Variants in PIWIL2 observed in about 807,000 individuals in gnomAD.
PIWIL2 encodes piwi-like protein 2.
PIWIL2 carries 81 observed loss-of-function variants against 116.5 expected under a neutral mutation model. The observed-to-expected ratio is 0.70, with a 90% confidence interval of 0.58 to 0.84. PIWIL2 has a LOEUF of 0.84. Ranked by LOEUF, PIWIL2 falls within the 40% of genes least tolerant of loss-of-function variation. The pLI is 0.00. For synonymous variants in PIWIL2, 489 were observed against 429.5 expected (o/e 1.14, Z -1.71); for missense variants, 1,272 against 1,212.3 (o/e 1.05, Z -0.73).
chr8:22,287,699 T>G, intron 7 of PIWIL2, 54 bp downstream of exon 7: 1 of 1,169,456 alleles, frequency 8.6e-7, no homozygotes, highest in Non-Finnish European at 1.3e-6. Flanking sequence ...TGCTCTGGCG[T>G]TTTTTGTTTG....
intron 6 of PIWIL2, 116 bp downstream of exon 6, chr8:22,284,388 A>T (rs1320935491): frequency 1.8e-6 from 1 of 553,860 alleles, no homozygotes; most frequent in Non-Finnish European, 3.2e-6. Context: ...TCAATGCAAT[A>T]ATGTGTTTAC....
Position 22,284,255 on chromosome 8 carries a change from A to T in PIWIL2, c.726A>T (p.Gln242His). Residue 242 changes from glutamine to histidine, a missense_variant, in exon 6 of 23, where the codon CAA becomes CAT. Physicochemically the swap from Gln to His is conservative, Grantham distance 24 (BLOSUM62 0). Transcript: ENST00000356766. ...KIQCHNEAVY[Q>H]YHVTFSPNVE... ...AGTGTCATAATGAAGCAGTTTATCA[A>T]TATCATGTGACTTTCAGGTATTCAC... 6.3e-7 allele frequency: 1 copy of T among 1,579,138 alleles called. No homozygotes were observed. The highest frequency in any genetic ancestry group is 8.7e-7 in the Non-Finnish European group (1 of 1,153,986).
At chr8:22,316,104 C>CTTTTTTTTTT in intron 18 of PIWIL2, 141 bp from the exon 19 acceptor site, 1 of 541,608 alleles carries the variant, frequency 1.8e-6, no homozygotes. Context: ...AGTTGATTGT[C>CTTTTTTTTTT]TTTTTTTTTT....
chr8:22,276,277 G>A (rs1387701358), intron 1 of PIWIL2, among the ~76,000 whole-genome samples: 1 of 152,178 alleles, frequency 6.6e-6, no homozygotes, highest in Non-Finnish European at 1.5e-5. Flanking sequence ...TTAAATGTAT[G>A]ATTTCTCTGT....
intron 10 of PIWIL2, among the ~76,000 whole-genome samples, chr8:22,295,683 C>T (rs76608684): frequency 0.05 from 7,548 of 152,152 alleles, 291 homozygotes; most frequent in Admixed American, 0.086. Context: ...TGGTGTTCTA[C>T]CACCTTCGTT....
At chr8:22,290,004 C>G in intron 9 of PIWIL2, 77 bp downstream of exon 9, 3 of 946,006 alleles carry the variant, frequency 3.2e-6, no homozygotes, top group South Asian at 2.7e-5. Context: ...GTATTTAGTA[C>G]TATAATGTCA....
chr8:22,275,858 C>T (rs966738920), intron 1 of PIWIL2: 2 of 152,360 alleles, frequency 1.3e-5, no homozygotes, highest in Admixed American at 1.3e-4. Context: ...CCCATTGAAC[C>T]TTTCGGACAG....
intron 20 of PIWIL2, among the ~76,000 whole-genome samples, chr8:22,319,447 T>A (rs1414660582): frequency 6.6e-6 from 1 of 152,238 alleles, no homozygotes; most frequent in Non-Finnish European, 1.5e-5. Flanking sequence ...GTGAAGACTT[T>A]TCCCTTCTTC....
intron 6 of PIWIL2, 111 bp from the exon 7 acceptor site, chr8:22,287,417 T>G: frequency 2.7e-6 from 2 of 753,392 alleles, no homozygotes; most frequent in Non-Finnish European, 4.9e-6. Context: ...ATTTTTAATA[T>G]GCCCGCTAGA....
intron 22 of PIWIL2, among the ~76,000 whole-genome samples, chr8:22,355,075 A>T (rs181651738): frequency 1.3e-5 from 2 of 151,910 alleles, no homozygotes; most frequent in African/African-American, 4.9e-5. Flanking sequence ...GTCAAAAAAA[A>T]AAAACAAAAC....
At chr8:22,293,718 A>T (rs1052467042) in intron 10 of PIWIL2, among the ~76,000 whole-genome samples, 6 of 152,232 alleles carry the variant, frequency 3.9e-5, no homozygotes, top group Admixed American at 2.6e-4. Context: ...ATTGAAAAAC[A>T]TTCTTTTTTT....
chr8:22,291,835 G>A (rs1830774835), intron 10 of PIWIL2, among the ~76,000 whole-genome samples: 2 of 152,222 alleles, frequency 1.3e-5, no homozygotes, highest in African/African-American at 4.8e-5. Flanking sequence ...GTTGTTACCA[G>A]GGGAGATGAA....
At chr8:22,299,696 A>T (rs1831000115) in intron 10 of PIWIL2, among the ~76,000 whole-genome samples, 1 of 152,152 alleles carries the variant, frequency 6.6e-6, no homozygotes, top group Non-Finnish European at 1.5e-5. Context: ...GTTTTGATAT[A>T]TGGATATATA....
At chr8:22,288,095 G>A (rs186770316) in intron 7 of PIWIL2, among the ~76,000 whole-genome samples, 443 of 152,242 alleles carry the variant, frequency 2.9e-3, no homozygotes, top group Non-Finnish European at 4.9e-3. Context: ...TCACGAGATT[G>A]AGACCATCCT....
intron 20 of PIWIL2, among the ~76,000 whole-genome samples, chr8:22,325,905 A>G (rs1586581284): frequency 6.6e-6 from 1 of 152,224 alleles, no homozygotes; most frequent in Non-Finnish European, 1.5e-5. Flanking sequence ...TGGGACTACC[A>G]GAGTAAGTCC....
At chr8:22,290,840 C>G (rs1171752792) in intron 10 of PIWIL2, among the ~76,000 whole-genome samples, 1 of 151,972 alleles carries the variant, frequency 6.6e-6, no homozygotes, top group African/African-American at 2.4e-5. Context: ...GAATAGACAT[C>G]TGCTGTGCTT....
chr8:22,290,448 T>C, intron 10 of PIWIL2, 102 bp downstream of exon 10: 1 of 661,008 alleles, frequency 1.5e-6, no homozygotes, highest in Non-Finnish European at 2.7e-6. Context: ...TGTTTGTTTG[T>C]TTTTTCCCCC....
intron 10 of PIWIL2, among the ~76,000 whole-genome samples, chr8:22,296,419 T>C (rs1366713586): frequency 2.0e-5 from 3 of 152,180 alleles, no homozygotes; most frequent in Non-Finnish European, 4.4e-5. Context: ...TATTCCCTTG[T>C]TTTAGTGTAG....
intron 20 of PIWIL2, among the ~76,000 whole-genome samples, chr8:22,339,909 A>G (rs1461847468): frequency 6.6e-6 from 1 of 152,200 alleles, no homozygotes; most frequent in African/African-American, 2.4e-5. Context: ...AATCAAAGCC[A>G]TGAGATGCCA....
Sources: gnomAD v4.1 joint callset for allele counts (sites outside exome capture counted in the v4.1 genomes callset) on GRCh38, gnomAD v4.1.1 for gene constraint, MANE v1.5 for transcripts, NCBI Gene and HGNC (gene_info 2026-07-23, HGNC 2026-07-21) for gene names.